Variants in PRKD1 observed in about 807,000 individuals in gnomAD.
The protein encoded by PRKD1 is protein kinase D1, also known as serine/threonine-protein kinase D1.
Under a neutral mutation model 95.9 loss-of-function variants are expected in PRKD1, and 63 were observed. That is an observed-to-expected ratio of 0.66 (90% confidence interval 0.54 to 0.81). The LOEUF (loss-of-function observed/expected upper bound fraction) is 0.81. Ranked by LOEUF, PRKD1 falls within the 30% of genes least tolerant of loss-of-function variation. The pLI is 0.00. For synonymous variants in PRKD1, 425 were observed against 423.1 expected, an observed-to-expected ratio of 1.00 and a Z score of -0.05; for missense variants, 1,048 against 1,165.3, an observed-to-expected ratio of 0.90 and a Z score of 1.47.
intron 1 of PRKD1, among the ~76,000 whole-genome samples, chr14:29,733,320 T>A (rs563274298): frequency 1.6e-4 from 24 of 152,148 alleles, no homozygotes; most frequent in African/African-American, 5.8e-4. Flanking sequence ...GCCAGGATGA[T>A]CTCCATCTCC....
At chr14:29,591,964 T>C (rs1384302584) in intron 16 of PRKD1, among the ~76,000 whole-genome samples, 1 of 152,200 alleles carries the variant, frequency 6.6e-6, no homozygotes. Context: ...TCCTTAGTTG[T>C]ACCTGGTCAT....
At chr14:29,911,184 G>T (rs1322719285) in intron 1 of PRKD1, among the ~76,000 whole-genome samples, 2 of 152,078 alleles carry the variant, frequency 1.3e-5, no homozygotes, top group South Asian at 4.1e-4. Context: ...ACATATAAAG[G>T]TTTATCAAGC....
chr14:29,813,273 C>G (rs947839646), intron 1 of PRKD1, among the ~76,000 whole-genome samples: 1 of 152,176 alleles, frequency 6.6e-6, no homozygotes, highest in Admixed American at 6.5e-5. Flanking sequence ...CCAAAATCAA[C>G]TTTAAAATGT....
At chr14:29,663,893 A>C in intron 3 of PRKD1, 34 bp from the exon 4 acceptor site, 3 of 1,592,388 alleles carry the variant, frequency 1.9e-6, no homozygotes, top group Non-Finnish European at 2.6e-6. Context: ...TTTTTATTGA[A>C]CCATAAATTA....
chr14:29,674,255 T>G (rs902874553), intron 2 of PRKD1, among the ~76,000 whole-genome samples: 2 of 152,196 alleles, frequency 1.3e-5, no homozygotes, highest in Admixed American at 1.3e-4. Flanking sequence ...AAAACTAGTA[T>G]TATTTGTCTC....
intron 2 of PRKD1, among the ~76,000 whole-genome samples, chr14:29,723,590 T>C (rs1594459986): frequency 6.6e-6 from 1 of 151,798 alleles, no homozygotes; most frequent in Non-Finnish European, 1.5e-5. Context: ...TGCTAAGCAA[T>C]AGAGTGGGAG....
At chr14:29,673,363 G>T (rs1025013593) in intron 2 of PRKD1, among the ~76,000 whole-genome samples, 1 of 152,120 alleles carries the variant, frequency 6.6e-6, no homozygotes, top group African/African-American at 2.4e-5. Context: ...CTAAGAATGC[G>T]TCACCGTCTT....
intron 1 of PRKD1, among the ~76,000 whole-genome samples, chr14:29,739,895 T>C (rs1886906678): frequency 6.6e-6 from 1 of 152,212 alleles, no homozygotes; most frequent in Non-Finnish European, 1.5e-5. Flanking sequence ...TATGACTTAA[T>C]AAATCATTAA....
intron 4 of PRKD1, among the ~76,000 whole-genome samples, chr14:29,654,047 G>C (rs1440941872): frequency 1.3e-5 from 2 of 151,722 alleles, no homozygotes; most frequent in Non-Finnish European, 2.9e-5. Flanking sequence ...TTTCAGTAGA[G>C]TTAAAAATGT....
chr14:29,759,642 T>C (rs1359368544), intron 1 of PRKD1, among the ~76,000 whole-genome samples: 1 of 152,210 alleles, frequency 6.6e-6, no homozygotes, highest in Non-Finnish European at 1.5e-5. Flanking sequence ...ATGGGGAAGC[T>C]TCTATTAAAA....
At chr14:29,881,783 C>T (rs952530635) in intron 1 of PRKD1, among the ~76,000 whole-genome samples, 4 of 151,852 alleles carry the variant, frequency 2.6e-5, no homozygotes, top group African/African-American at 7.3e-5. Flanking sequence ...TTTTTTTGTC[C>T]TTATCTAATT....
chr14:29,764,684 G>A (rs1243374126), intron 1 of PRKD1, among the ~76,000 whole-genome samples: 1 of 152,108 alleles, frequency 6.6e-6, no homozygotes, highest in Non-Finnish European at 1.5e-5. Context: ...CTATTTATGA[G>A]GGTGGAGCTC....
chr14:29,600,020 G>T (rs981262635), intron 13 of PRKD1, among the ~76,000 whole-genome samples: 1 of 151,916 alleles, frequency 6.6e-6, no homozygotes, highest in African/African-American at 2.4e-5. Flanking sequence ...CTTTCTATGC[G>T]TAGTGAAATT....
At chr14:29,717,098 A>T (rs1885648124) in intron 2 of PRKD1, among the ~76,000 whole-genome samples, 1 of 152,210 alleles carries the variant, frequency 6.6e-6, no homozygotes, top group African/African-American at 2.4e-5. Flanking sequence ...TAACTTTTGG[A>T]TATCATACAT....
intron 2 of PRKD1, among the ~76,000 whole-genome samples, chr14:29,668,914 G>A (rs1405082162): frequency 6.6e-6 from 1 of 152,138 alleles, no homozygotes; most frequent in Non-Finnish European, 1.5e-5. Context: ...AGAAATTAAG[G>A]AGCTACACTA....
At chr14:29,919,089 G>A (rs1399551699) in intron 1 of PRKD1, among the ~76,000 whole-genome samples, 2 of 152,182 alleles carry the variant, frequency 1.3e-5, no homozygotes, top group African/African-American at 4.8e-5. Context: ...TCATCAATCA[G>A]TGGTTTAGTC....
At chr14:29,737,362 A>AAAAC (rs1886781112) in intron 1 of PRKD1, among the ~76,000 whole-genome samples, 1 of 132,588 alleles carries the variant, frequency 7.5e-6, no homozygotes, top group Non-Finnish European at 1.6e-5. Flanking sequence ...AAAAAAAAAA[A>AAAAC]TACTCTGCCA....
chr14:29,805,101 A>T lies in PRKD1; in HGVS notation c.265-79427T>A, dbSNP rs544428080. On this transcript the variant is annotated intron_variant, in intron 1 of 17. Coordinates refer to ENST00000331968, the MANE Select transcript of PRKD1 (RefSeq NM_002742.3). ...AAGAATAACATGGATATCTTGTTAG[A>T]CTATAGATTATCATACAGTTGGTCT... Among the ~76,000 whole-genome samples, 4 of 152,308 alleles carry T rather than the reference A, an allele frequency of 2.6e-5. No individual in the cohort carries two copies. In the South Asian group the frequency reaches 8.3e-4, roughly 32 times the overall value.
chr14:29,698,969 G>C (rs1227723656), intron 2 of PRKD1, among the ~76,000 whole-genome samples: 2 of 152,096 alleles, frequency 1.3e-5, no homozygotes, highest in Non-Finnish European at 2.9e-5. Context: ...ACCGAATACA[G>C]TCTGCTTACT....
Sources: gnomAD v4.1 joint callset for allele counts (sites outside exome capture counted in the v4.1 genomes callset) on GRCh38, gnomAD v4.1.1 for gene constraint, MANE v1.5 for transcripts, NCBI Gene and HGNC (gene_info 2026-07-23, HGNC 2026-07-21) for gene names.